The following STPG4 variants were observed in gnomAD, a reference collection of about 807,000 sequenced individuals.
The protein encoded by STPG4 is sperm-tail PG-rich repeat containing 4.
A neutral mutation model predicts 31.5 loss-of-function variants in STPG4; 41 were observed. The ratio of observed to expected loss-of-function variants is 1.30; its 90% CI spans 1.01 to 1.69. The LOEUF (loss-of-function observed/expected upper bound fraction) is 1.69, where lower values mean the gene tolerates loss of function less well. Ranked by LOEUF, STPG4 falls within the 40% of genes most tolerant of loss-of-function variation. The probability of loss-of-function intolerance (pLI) is 0.00; values close to 1 mark genes in which losing one functional copy is unlikely to be tolerated. For missense variants in STPG4, 375 were observed against 293.4 expected, an observed-to-expected ratio of 1.28 and a Z score of -2.03; for synonymous variants, 141 against 103.0, an observed-to-expected ratio of 1.37 and a Z score of -2.24.
At position 47,104,822 on chromosome 2, in the gene STPG4, C is replaced by T. The variant is rs544147666; in HGVS notation, c.520-14448G>A. Among the ~76,000 whole-genome samples, 273 of 152,106 alleles carry T rather than the reference C, an allele frequency of 1.8e-3. 10 individuals carry two copies. The highest frequency in any genetic ancestry group is 6.2e-3 in the African/African-American group (257 of 41,378). ...GGGTACAAGGTGTCTAGGTCGAAGGCCCAGCTTTGCCTACAGCAGGTCAAA... is the reference window on the plus strand; with the variant it reads ...GGGTACAAGGTGTCTAGGTCGAAGGTCCAGCTTTGCCTACAGCAGGTCAAA... On this transcript the variant is annotated intron_variant, in intron 5 of 6. Transcript: ENST00000445927.
At chr2:47,135,394 T>C (rs1285534854) in intron 3 of STPG4, among the ~76,000 whole-genome samples, 1 of 152,202 alleles carries the variant, frequency 6.6e-6, no homozygotes, top group Non-Finnish European at 1.5e-5. Flanking sequence ...CTCTTTTTTA[T>C]TTTTATTTTG....
At chr2:47,100,237 G>A (rs1685766402) in intron 5 of STPG4, among the ~76,000 whole-genome samples, 1 of 151,944 alleles carries the variant, frequency 6.6e-6, no homozygotes, top group South Asian at 2.1e-4. Context: ...GTCTAGCTCA[G>A]GGATTGTAAA....
In STPG4 at chr2:47,098,302, C is replaced by T. The variant is rs560095495; in HGVS notation, c.520-7928G>A. 3.3e-5 allele frequency among the ~76,000 whole-genome samples: 5 copies of T among 152,314 alleles called. No individual in the cohort carries two copies. The East Asian group carries it at 5.8e-4, about 18-fold the overall frequency. Reference sequence around the variant, plus strand: ...CCTCCCTGCAGCCATCTCTACTTCACAGCATTCTTTCATACACCTACTTTC... The same window carrying T: ...CCTCCCTGCAGCCATCTCTACTTCATAGCATTCTTTCATACACCTACTTTC... On this transcript the variant is annotated intron_variant, in intron 5 of 6. Transcript: ENST00000445927.
intron 5 of STPG4, among the ~76,000 whole-genome samples, chr2:47,114,935 T>C (rs1259177598): frequency 3.3e-5 from 5 of 152,098 alleles, no homozygotes; most frequent in African/African-American, 9.7e-5. Context: ...GCCCAGCTAA[T>C]TTTGGCATTT....
chr2:47,129,706 T>G (rs181145023), intron 5 of STPG4: 38 of 472,922 alleles, frequency 8.0e-5, no homozygotes, highest in African/African-American at 7.3e-4. Context: ...TACCCTACCC[T>G]CTTCAGTGCC....
Position 47,155,162 on chromosome 2 carries a change from C to A in STPG4, c.81+9G>T, listed in dbSNP as rs754813362. 1 of 1,613,710 alleles carries A rather than the reference C, an allele frequency of 6.2e-7. No individual in the cohort carries two copies. Among genetic ancestry groups the A allele is most frequent in the South Asian group, 1.1e-5 (1 of 91,042 alleles). On this transcript the variant is annotated intron_variant, in intron 1 of 6. Coordinates refer to ENST00000445927, the MANE Select transcript of STPG4 (RefSeq NM_001163561.2). Reference sequence around the variant, plus strand: ...AGGAGCCAGGCCGGCAAGGGGCAGGCCATCTTACCGAAGCTGTGATGAATG... The same window carrying A: ...AGGAGCCAGGCCGGCAAGGGGCAGGACATCTTACCGAAGCTGTGATGAATG...
intron 5 of STPG4, among the ~76,000 whole-genome samples, chr2:47,124,296 G>A (rs1686325324): frequency 1.3e-5 from 2 of 152,040 alleles, no homozygotes; most frequent in African/African-American, 4.8e-5. Context: ...ATTTTTAAAT[G>A]TACAATAAAT....
intron 3 of STPG4, among the ~76,000 whole-genome samples, chr2:47,148,563 G>T (rs1378305481): frequency 1.3e-5 from 2 of 151,830 alleles, no homozygotes; most frequent in Admixed American, 1.3e-4. Context: ...TAAGTTCTAG[G>T]GTACATGTGC....
chr2:47,140,732 A>T (rs139796311), intron 3 of STPG4, among the ~76,000 whole-genome samples: 3 of 152,282 alleles, frequency 2.0e-5, no homozygotes, highest in African/African-American at 7.2e-5. Flanking sequence ...AGAACTGGAA[A>T]CTGGAAGTCA....
At chr2:47,090,110 A>T (rs1362183157) in intron 6 of STPG4, among the ~76,000 whole-genome samples, 160 bp downstream of exon 6, 1 of 152,128 alleles carries the variant, frequency 6.6e-6, no homozygotes, top group East Asian at 1.9e-4. Context: ...TTCACTCCTG[A>T]TTGCCTTGAC....
At chr2:47,147,824 A>C (rs1419634804) in intron 3 of STPG4, among the ~76,000 whole-genome samples, 1 of 152,208 alleles carries the variant, frequency 6.6e-6, no homozygotes, top group Non-Finnish European at 1.5e-5. Context: ...ATGTGAATAT[A>C]CTATTTATCT....
intron 5 of STPG4, among the ~76,000 whole-genome samples, chr2:47,125,790 C>G (rs1686355252): frequency 6.6e-6 from 1 of 151,726 alleles, no homozygotes; most frequent in South Asian, 2.1e-4. Context: ...AATTCCTGGG[C>G]TCAAGGGATC....
intron 5 of STPG4, among the ~76,000 whole-genome samples, chr2:47,123,245 T>C (rs949617602): frequency 6.6e-6 from 1 of 152,238 alleles, no homozygotes; most frequent in Non-Finnish European, 1.5e-5. Context: ...GGTCATGCAT[T>C]TGGAAATATT....
intron 5 of STPG4, among the ~76,000 whole-genome samples, chr2:47,091,310 C>T (rs1685565362): frequency 1.3e-5 from 2 of 152,138 alleles, no homozygotes; most frequent in Non-Finnish European, 2.9e-5. Context: ...CAGCTTAAAA[C>T]ATATATGCCT....
At chr2:47,088,221 A>C (rs1236258690) in intron 6 of STPG4, among the ~76,000 whole-genome samples, 1 of 152,126 alleles carries the variant, frequency 6.6e-6, no homozygotes, top group African/African-American at 2.4e-5. Context: ...CTGGGATTAC[A>C]GGGGTGCACC....
At chr2:47,125,981 C>T (rs748745344) in intron 5 of STPG4, among the ~76,000 whole-genome samples, 15 of 152,272 alleles carry the variant, frequency 9.9e-5, no homozygotes, top group East Asian at 3.9e-4. Context: ...AAGAGACTGT[C>T]CTTTCCCCAA....
intron 5 of STPG4, among the ~76,000 whole-genome samples, chr2:47,096,984 T>C (rs975083115): frequency 1.3e-5 from 2 of 151,986 alleles, no homozygotes; most frequent in Non-Finnish European, 2.9e-5. Context: ...AGGCAAGTGA[T>C]ATGAGGAAGC....
intron 3 of STPG4, among the ~76,000 whole-genome samples, chr2:47,150,518 A>C (rs889782238): frequency 6.6e-6 from 1 of 151,394 alleles, no homozygotes; most frequent in African/African-American, 2.4e-5. Flanking sequence ...TTTTTTAATT[A>C]AAAAAAATAT....
rs189896192 is a variant in STPG4, at chr2:47,100,046, C to A, written c.520-9672G>T. ...CCATGGGCTCCTGTACAGCCCCAGC[C>A]TCCCTGATGAGTGCCGCCCCCTGCT... On this transcript the variant is annotated intron_variant, in intron 5 of 6. Coordinates refer to ENST00000445927, the MANE Select transcript of STPG4 (RefSeq NM_001163561.2). 3.7e-3 allele frequency among the ~76,000 whole-genome samples: 559 copies of A among 152,220 alleles called. 7 individuals are homozygous for A. Among genetic ancestry groups the A allele is most frequent in the Admixed American group, 4.5e-3 (69 of 15,302 alleles).
Sources: allele counts gnomAD v4.1 joint callset (sites outside exome capture counted in the v4.1 genomes callset), GRCh38; gene constraint gnomAD v4.1.1; transcripts MANE v1.5; gene names NCBI Gene and HGNC (gene_info 2026-07-23, HGNC 2026-07-21).